The following STX6 variants were observed in gnomAD, a reference collection of about 807,000 sequenced individuals.
The protein encoded by STX6 is syntaxin-6.
Under a neutral mutation model 38.0 loss-of-function variants are expected in STX6, and 23 were observed. That is an observed-to-expected ratio of 0.60 (90% CI 0.43 to 0.86). The LOEUF (loss-of-function observed/expected upper bound fraction) is 0.86, where lower values mean the gene tolerates loss of function less well. Among genes scored for constraint, STX6 ranks in the 40% least tolerant of loss-of-function variants. STX6 has a pLI of 0.00. For synonymous variants in STX6, 123 were observed against 107.5 expected (o/e 1.14, Z -0.89); for missense variants, 274 against 312.9 (o/e 0.88, Z 0.94).
chr1:180,983,890 C>A (rs1655483782), intron 7 of STX6, among the ~76,000 whole-genome samples: 1 of 151,468 alleles, frequency 6.6e-6, no homozygotes, highest in South Asian at 2.1e-4. Context: ...CGGTGAAACT[C>A]CATCTCTACT....
At chr1:181,015,992 C>T (rs1300881526) in intron 1 of STX6, among the ~76,000 whole-genome samples, 1 of 152,206 alleles carries the variant, frequency 6.6e-6, no homozygotes, top group African/African-American at 2.4e-5. Context: ...ATCAGAAGAT[C>T]TGGGTTTGAA....
intron 2 of STX6, 97 bp from the exon 3 acceptor site, chr1:181,002,797 G>T: frequency 1.2e-6 from 1 of 812,986 alleles, no homozygotes; most frequent in Admixed American, 2.3e-5. Flanking sequence ...AATAAAATCT[G>T]GCTCAAACTT....
At position 180,976,312 on chromosome 1, in the gene STX6, C is replaced by T. The variant is rs200518723; in HGVS notation, c.*258G>A. On this transcript the variant is annotated 3_prime_UTR_variant, in exon 8 of 8. Coordinates refer to ENST00000258301, the MANE Select transcript of STX6 (RefSeq NM_005819.6). ...AGGCAAGGCAGCAGCTAGTTCTCCT[C>T]CGAACTGGACAGGCGGCATGGGGCT... is the stretch of plus-strand genomic sequence containing the variant. 1,001 of 453,832 alleles carry T rather than the reference C, an allele frequency of 2.2e-3. 4 individuals are homozygous for T. Among genetic ancestry groups the T allele is most frequent in the South Asian group, 6.6e-3 (242 of 36,532 alleles). The allele number at this position is 453,832 out of a possible 1,614,324, so 28.1% of individuals were successfully genotyped here.
At chr1:180,998,459 T>G (rs894901955) in intron 3 of STX6, among the ~76,000 whole-genome samples, 1 of 152,206 alleles carries the variant, frequency 6.6e-6, no homozygotes, top group African/African-American at 2.4e-5. Flanking sequence ...CTCAGTTCAC[T>G]GCAACCTCTG....
Position 180,973,097 on chromosome 1 carries a change from T to C in STX6, c.*3473A>G, listed in dbSNP as rs1223808185. 1 of 152,414 alleles carries C rather than the reference T, an allele frequency of 6.6e-6. No homozygotes were observed. The highest frequency in any genetic ancestry group is 1.5e-5 in the Non-Finnish European group (1 of 68,296). The allele number at this position is 152,414 out of a possible 1,614,324, so 9.4% of individuals were successfully genotyped here. A position where few individuals can be genotyped will look rare whatever the true frequency, so the allele number is the denominator to read the frequency against. ...AAAAGCCTCCTTTAAAAAACATTAT[T>C]CTTAAGAAACCTGGGAGAGAAAAAA... On this transcript the variant is annotated 3_prime_UTR_variant, in exon 8 of 8. Transcript: ENST00000258301.
intron 7 of STX6, among the ~76,000 whole-genome samples, chr1:180,980,344 A>G (rs1370013871): frequency 6.6e-6 from 1 of 151,712 alleles, no homozygotes; most frequent in Non-Finnish European, 1.5e-5. Context: ...AACCCCAAAC[A>G]GTGACAACAC....
At chr1:181,005,709 G>A (rs1656205048) in intron 1 of STX6, among the ~76,000 whole-genome samples, 1 of 152,206 alleles carries the variant, frequency 6.6e-6, no homozygotes, top group East Asian at 1.9e-4. Flanking sequence ...GTTTGTTGGG[G>A]AAGGACAAAT....
intron 1 of STX6, among the ~76,000 whole-genome samples, chr1:181,009,159 T>C (rs1010375763): frequency 6.6e-6 from 1 of 152,016 alleles, no homozygotes; most frequent in African/African-American, 2.4e-5. Flanking sequence ...CTCTCAAAAC[T>C]TAATAAGAAA....
At chr1:180,982,385 A>G (rs896927823) in intron 7 of STX6, among the ~76,000 whole-genome samples, 1 of 152,164 alleles carries the variant, frequency 6.6e-6, no homozygotes, top group East Asian at 1.9e-4. Context: ...AACACAAGCA[A>G]CCTGTCAAAA....
intron 1 of STX6, among the ~76,000 whole-genome samples, chr1:181,010,493 A>T (rs1329984796): frequency 1.3e-5 from 2 of 151,920 alleles, no homozygotes; most frequent in African/African-American, 4.8e-5. Context: ...GTAGAAACAG[A>T]GTTTCACTAT....
At chr1:181,002,159 A>T (rs1323453824) in intron 3 of STX6, among the ~76,000 whole-genome samples, 1 of 152,092 alleles carries the variant, frequency 6.6e-6, no homozygotes, top group African/African-American at 2.4e-5. Flanking sequence ...GATTAAAAAC[A>T]GATTTCTTTT....
chr1:180,988,173 A>G (rs1655643268), intron 6 of STX6, 66 bp downstream of exon 6: 3 of 1,132,182 alleles, frequency 2.6e-6, no homozygotes, highest in African/African-American at 1.5e-5. Context: ...CAGGCTTTTT[A>G]GGGGTGTCAT....
rs1413217857 is a variant in STX6 at position 180,976,232 on chromosome 1, A to C, written c.*338T>G. The C allele has an allele frequency of 3.5e-6, 1 of 286,318 alleles. No individual in the cohort carries two copies. Among genetic ancestry groups the C allele is most frequent in the African/African-American group, 2.1e-5 (1 of 46,874 alleles). The allele number at this position is 286,318 out of a possible 1,614,324, so 17.7% of individuals were successfully genotyped here. A position where few individuals can be genotyped will look rare whatever the true frequency, so the allele number is the denominator to read the frequency against. On this transcript the variant is annotated 3_prime_UTR_variant, in exon 8 of 8. Transcript: ENST00000258301. The stretch of plus-strand genomic sequence containing the variant: ...CTGCCAAAGATGCATGGAATGAGCA[A>C]CAGCAAAACACCAGTGGAGTCTGTA...
chr1:181,015,564 TCAGACATATTGGCTG>T (rs770637084), intron 1 of STX6, among the ~76,000 whole-genome samples: 120 of 152,342 alleles, frequency 7.9e-4, no homozygotes, highest in Non-Finnish European at 1.5e-3. Context: ...ACCTTGGGGC[TCAGACATATTGGCTG>T]CTTGCCTCAA....
At chr1:181,002,725 C>T (rs1656119463) in intron 2 of STX6, 25 bp from the exon 3 acceptor site, 1 of 1,467,622 alleles carries the variant, frequency 6.8e-7, no homozygotes, top group South Asian at 1.1e-5. Context: ...CAAGGTAAAA[C>T]AATTTCATCA....
chr1:181,001,668 G>T (rs1475374431), intron 3 of STX6, among the ~76,000 whole-genome samples: 3 of 152,172 alleles, frequency 2.0e-5, no homozygotes, highest in African/African-American at 4.8e-5. Context: ...TCAACAATGC[G>T]AAGTGATTAC....
intron 7 of STX6, among the ~76,000 whole-genome samples, chr1:180,983,574 T>G (rs1178464550): frequency 6.6e-6 from 1 of 152,248 alleles, no homozygotes; most frequent in African/African-American, 2.4e-5. Context: ...ATTTCAGTAT[T>G]GATTTAAACA....
intron 1 of STX6, among the ~76,000 whole-genome samples, chr1:181,008,364 T>C (rs1489397918): frequency 6.6e-6 from 1 of 152,156 alleles, no homozygotes; most frequent in African/African-American, 2.4e-5. Context: ...ATTTAGAATA[T>C]TGGCATTGTA....
intron 2 of STX6, 31 bp downstream of exon 2, chr1:181,005,263 C>T (rs749534110): frequency 9.5e-6 from 15 of 1,585,168 alleles, no homozygotes; most frequent in African/African-American, 5.4e-5. Flanking sequence ...CTATTTATCC[C>T]GAATGGCACA....
Sources: gnomAD v4.1 joint callset for allele counts (sites outside exome capture counted in the v4.1 genomes callset) on GRCh38, gnomAD v4.1.1 for gene constraint, MANE v1.5 for transcripts, NCBI Gene and HGNC (gene_info 2026-07-23, HGNC 2026-07-21) for gene names.